The following DISC1 variants were observed in gnomAD, a reference collection of about 807,000 sequenced individuals.
The protein encoded by DISC1 is disrupted in schizophrenia 1 protein.
DISC1 carries 57 observed loss-of-function variants against 84.5 expected under a neutral mutation model. The observed-to-expected ratio is 0.67, with a 90% CI of 0.55 to 0.84. The LOEUF is 0.84. Among genes scored for constraint, DISC1 ranks in the 40% least tolerant of loss-of-function variants. The pLI is 0.00. For synonymous variants in DISC1, 411 were observed against 415.2 expected (o/e 0.99, Z 0.12); for missense variants, 1,000 against 1,057.8 (o/e 0.95, Z 0.76).
At chr1:231,746,486 A>G (rs2073994272) in intron 3 of DISC1, among the ~76,000 whole-genome samples, 1 of 152,188 alleles carries the variant, frequency 6.6e-6, no homozygotes, top group South Asian at 2.1e-4. Context: ...TTGCTGGATC[A>G]TATGATTGTT....
At position 231,958,678 on chromosome 1, in the gene DISC1, T is replaced by G. The variant is rs577080107; in HGVS notation, c.1982-150T>G. 1.2e-5 allele frequency: 10 copies of G among 810,454 alleles called. No individual in the cohort carries two copies. The South Asian group carries it at 1.3e-4, about 10-fold the overall frequency. The allele number at this position is 810,454 out of a possible 1,614,324, so 50.2% of individuals were successfully genotyped here. On this transcript the variant is annotated intron_variant, in intron 9 of 12. Coordinates refer to ENST00000439617, the MANE Select transcript of DISC1 (RefSeq NM_018662.3). The stretch of plus-strand genomic sequence containing the variant: ...CCAACTCATGACTTCAGGCAGCCAC[T>G]CCAGTGGATTTGAGTGTTTTCCAAA...
chr1:231,924,060 C>G (rs913840587), intron 9 of DISC1, among the ~76,000 whole-genome samples: 1 of 152,166 alleles, frequency 6.6e-6, no homozygotes. Context: ...TTCAACATCG[C>G]TATATTTTCC....
intron 8 of DISC1, among the ~76,000 whole-genome samples, chr1:231,800,444 T>G (rs2079139910): frequency 6.6e-6 from 1 of 152,182 alleles, no homozygotes; most frequent in Admixed American, 6.6e-5. Context: ...AGACTAAATG[T>G]ACTCTGTGTG....
At chr1:231,927,834 A>G (rs1479371491) in intron 9 of DISC1, among the ~76,000 whole-genome samples, 1 of 152,186 alleles carries the variant, frequency 6.6e-6, no homozygotes, top group Non-Finnish European at 1.5e-5. Context: ...AGCAGGCTCA[A>G]GTGTCTCCCA....
At chr1:231,831,489 T>C (rs56174874) in intron 9 of DISC1, among the ~76,000 whole-genome samples, 48,596 of 149,908 alleles carry the variant, frequency 0.32, 6,142 homozygotes, top group African/African-American at 0.4. Flanking sequence ...TGGGAATGAC[T>C]GATGTGAAGG....
intron 1 of DISC1, among the ~76,000 whole-genome samples, chr1:231,690,033 G>A (rs1460963979): frequency 6.6e-6 from 1 of 152,136 alleles, no homozygotes; most frequent in Non-Finnish European, 1.5e-5. Flanking sequence ...TTGCTGATCC[G>A]GCTGGTTAAT....
chr1:231,853,946 T>G (rs1341682792), intron 9 of DISC1, among the ~76,000 whole-genome samples: 1 of 152,222 alleles, frequency 6.6e-6, no homozygotes. Context: ...GCAGCTAAAC[T>G]GACAATAATA....
chr1:231,672,845 C>T (rs1158928685), intron 1 of DISC1, among the ~76,000 whole-genome samples: 2 of 152,184 alleles, frequency 1.3e-5, no homozygotes, highest in Non-Finnish European at 1.5e-5. Context: ...TGTTCCTTAA[C>T]TCCCTGACCT....
intron 3 of DISC1, among the ~76,000 whole-genome samples, chr1:231,732,441 T>G (rs2071644797): frequency 6.6e-6 from 1 of 152,250 alleles, no homozygotes; most frequent in Admixed American, 6.5e-5. Context: ...GGAAATTATC[T>G]TTCATTTCTG....
intron 1 of DISC1, among the ~76,000 whole-genome samples, chr1:231,647,497 C>G (rs189126148): frequency 2.0e-5 from 3 of 152,138 alleles, no homozygotes; most frequent in African/African-American, 7.2e-5. Flanking sequence ...TAGTGTGTTG[C>G]CTCCAGCTTT....
intron 1 of DISC1, among the ~76,000 whole-genome samples, chr1:231,648,264 T>A (rs1351777366): frequency 6.6e-6 from 1 of 152,270 alleles, no homozygotes; most frequent in East Asian, 1.9e-4. Context: ...GTTTTTAGCA[T>A]GAAGTGCTGT....
In DISC1 at chr1:232,018,335, A is replaced by G. The variant is rs533345486; in HGVS notation, c.2308-8100A>G. Among the ~76,000 whole-genome samples, 79 of 152,308 alleles carry G rather than the reference A, an allele frequency of 5.2e-4. 1 individual carries two copies. The highest frequency in any genetic ancestry group is 1.9e-3 in the African/African-American group (77 of 41,574). ...GGTATCTTCCACATGTCATAGGGAA[A>G]GACTTAAGCCTTGTTTATGGGAACT... On this transcript the variant is annotated intron_variant, in intron 11 of 12. Transcript: ENST00000439617.
chr1:231,843,082 G>T (rs1362732687), intron 9 of DISC1, among the ~76,000 whole-genome samples: 1 of 152,106 alleles, frequency 6.6e-6, no homozygotes, highest in Non-Finnish European at 1.5e-5. Flanking sequence ...ACAGACAACG[G>T]CAGTACAGTC....
At chr1:231,890,775 A>G (rs990541847) in intron 9 of DISC1, among the ~76,000 whole-genome samples, 1 of 152,162 alleles carries the variant, frequency 6.6e-6, no homozygotes, top group African/African-American at 2.4e-5. Context: ...AATAAATGAT[A>G]CCATATCCTC....
At chr1:232,023,366 T>G (rs537300075) in intron 11 of DISC1, among the ~76,000 whole-genome samples, 3 of 152,332 alleles carry the variant, frequency 2.0e-5, no homozygotes, top group Admixed American at 2.0e-4. Context: ...GCCATCATCT[T>G]TGCATGAAAA....
chr1:231,687,591 T>G (rs2064452169), intron 1 of DISC1, among the ~76,000 whole-genome samples: 2 of 152,088 alleles, frequency 1.3e-5, no homozygotes, highest in Non-Finnish European at 2.9e-5. Context: ...CCGTATAAGA[T>G]TTGTATTATT....
At chr1:231,664,640 C>T (rs1210401780) in intron 1 of DISC1, among the ~76,000 whole-genome samples, 1 of 152,140 alleles carries the variant, frequency 6.6e-6, no homozygotes, top group Non-Finnish European at 1.5e-5. Flanking sequence ...AATTCACTGA[C>T]ACCTTGATTT....
rs544689936 is a variant in DISC1 at position 231,630,156 on chromosome 1, C to G, written c.67+3222C>G. On this transcript the variant is annotated intron_variant, in intron 1 of 12. Coordinates refer to ENST00000439617, the MANE Select transcript of DISC1 (RefSeq NM_018662.3). This position sits in a 1 kb window ranked among gnomAD's most constrained non-coding sequence, Gnocchi z 4.4. ...ATGTTGATCAGCATGGTCTCGATCT[C>G]CTGACCTTGTAATCTGCCCGCCTCA... Among the ~76,000 whole-genome samples, 105 of 152,158 alleles carry G rather than the reference C, an allele frequency of 6.9e-4. No individual in the cohort carries two copies. Among genetic ancestry groups the G allele is most frequent in the African/African-American group, 2.4e-3 (100 of 41,516 alleles).
intron 9 of DISC1, among the ~76,000 whole-genome samples, chr1:231,876,024 C>A (rs1419218240): frequency 6.6e-6 from 1 of 152,054 alleles, no homozygotes; most frequent in African/African-American, 2.4e-5. Context: ...TGAAAAGGCC[C>A]GAGAGCCCCA....
Sources: gnomAD v4.1 joint callset for allele counts (sites outside exome capture counted in the v4.1 genomes callset) on GRCh38, gnomAD v4.1.1 for gene constraint, Gnocchi (gnomAD v3.1) non-coding constraint, MANE v1.5 for transcripts, NCBI Gene and HGNC (gene_info 2026-07-23, HGNC 2026-07-21) for gene names.